Variants in DCBLD1 observed in about 807,000 individuals in gnomAD.
DCBLD1 encodes the protein discoidin, CUB and LCCL domain containing 1.
A neutral mutation model predicts 71.5 loss-of-function variants in DCBLD1; 57 were observed. The observed-to-expected ratio is 0.80, with a 90% CI of 0.64 to 0.99. DCBLD1 has a LOEUF of 0.99. Among genes scored for constraint, DCBLD1 ranks in the 50% least tolerant of loss-of-function variants. The pLI is 0.00. For missense variants in DCBLD1, 891 were observed against 923.5 expected, an observed-to-expected ratio of 0.96 and a Z score of 0.46; for synonymous variants, 380 against 363.8, an observed-to-expected ratio of 1.04 and a Z score of -0.51.
At chr6:117,513,714 A>G (rs1348250094) in intron 2 of DCBLD1, among the ~76,000 whole-genome samples, 1 of 152,150 alleles carries the variant, frequency 6.6e-6, no homozygotes, top group Non-Finnish European at 1.5e-5. Context: ...TGTGCATCCT[A>G]TTTTTAGGAA....
At chr6:117,532,887 G>A (rs1025607466) in intron 6 of DCBLD1, among the ~76,000 whole-genome samples, 4 of 152,088 alleles carry the variant, frequency 2.6e-5, no homozygotes, top group Non-Finnish European at 5.9e-5. Context: ...TATATTCTTC[G>A]TTTGTTTTTA....
intron 1 of DCBLD1, among the ~76,000 whole-genome samples, chr6:117,487,122 C>A (rs905099482): frequency 1.3e-5 from 2 of 152,108 alleles, no homozygotes; most frequent in African/African-American, 4.8e-5. Flanking sequence ...GTGACCACTG[C>A]TCTGGAGCAC....
In DCBLD1 at chr6:117,538,660, C is replaced by G; in HGVS notation, c.801C>G (p.Ile267Met). The G allele has an allele frequency of 6.2e-7, 1 of 1,613,972 alleles. No individual in the cohort carries two copies. Among genetic ancestry groups the G allele is most frequent in the East Asian group, 2.2e-5 (1 of 44,876 alleles). ...RSLSFEPDGQ[I>M]RASSSWQSVN... ...TGAGTTTTGAACCTGACGGGCAAAT[C>G]AGAGCTTCTTCCTCATGGCAGTCGG... The change falls in exon 8 of 15, where the codon ATC becomes ATG. Residue 267 changes from isoleucine (I) to methionine (M), a missense_variant. Ile to Met is a conservative substitution (Grantham distance 10). Coordinates refer to ENST00000338728, the MANE Select transcript of DCBLD1 (RefSeq NM_001366458.2).
At chr6:117,568,835 C>T (rs964285822) in intron 14 of DCBLD1, among the ~76,000 whole-genome samples, 1 of 152,168 alleles carries the variant, frequency 6.6e-6, no homozygotes, top group Non-Finnish European at 1.5e-5. Context: ...ATTTATGCAT[C>T]ATATAGAATT....
intron 14 of DCBLD1, among the ~76,000 whole-genome samples, chr6:117,558,996 CCTGTT>C (rs1291847999): frequency 2.0e-5 from 3 of 152,178 alleles, no homozygotes; most frequent in Admixed American, 6.5e-5. Context: ...CAGGTTCAGG[CCTGTT>C]CTGTTAACTC....
chr6:117,531,343 C>T (rs1302451272), intron 5 of DCBLD1, among the ~76,000 whole-genome samples: 7 of 152,206 alleles, frequency 4.6e-5, no homozygotes, highest in Non-Finnish European at 1.0e-4. Flanking sequence ...TCCCCTCACT[C>T]CTGGGTCTGA....
chr6:117,524,769 A>G (rs1778494171), intron 4 of DCBLD1, among the ~76,000 whole-genome samples: 1 of 152,206 alleles, frequency 6.6e-6, no homozygotes, highest in Non-Finnish European at 1.5e-5. Flanking sequence ...GCTGGATTAA[A>G]TAGAATATAT....
chr6:117,493,413 G>C (rs1001097023), intron 1 of DCBLD1, among the ~76,000 whole-genome samples: 1 of 152,072 alleles, frequency 6.6e-6, no homozygotes, highest in African/African-American at 2.4e-5. Flanking sequence ...AGTAAAATAG[G>C]CACCTCTCAT....
intron 5 of DCBLD1, among the ~76,000 whole-genome samples, chr6:117,531,468 C>A (rs888725633): frequency 6.6e-6 from 1 of 152,178 alleles, no homozygotes; most frequent in Non-Finnish European, 1.5e-5. Context: ...CGATTCCAAT[C>A]CCACAACCGC....
intron 6 of DCBLD1, among the ~76,000 whole-genome samples, chr6:117,534,361 C>T (rs185495010): frequency 3.9e-4 from 59 of 152,288 alleles, no homozygotes; most frequent in African/African-American, 1.4e-3. Context: ...AAAGTGATCA[C>T]TTATGCACAG....
downstream of DCBLD1, among the ~76,000 whole-genome samples, chr6:117,554,433 A>C (rs1249347300): frequency 2.6e-5 from 4 of 152,192 alleles, no homozygotes; most frequent in Non-Finnish European, 5.9e-5. Flanking sequence ...AAGTCTTTTC[A>C]GCATCTATGG....
chr6:117,503,348 T>C (rs1481428126), intron 1 of DCBLD1, among the ~76,000 whole-genome samples: 1 of 152,246 alleles, frequency 6.6e-6, no homozygotes, highest in Non-Finnish European at 1.5e-5. Flanking sequence ...TTTCTGTACA[T>C]TATCTCATTT....
rs1779347399 is a variant in DCBLD1, at chr6:117,548,300, C to T, written c.2009C>T (p.Ala670Val). 2 of 1,550,666 alleles carry T rather than the reference C, an allele frequency of 1.3e-6. No individual in the cohort carries two copies. Among genetic ancestry groups the T allele is most frequent in the Admixed American group, 2.0e-5 (1 of 51,010 alleles). ...PADRGYDRPK[A>V]VSALATESGH... ...GACAGGGGCTACGACCGGCCCAAAG[C>T]TGTCAGCGCCCTCGCCACCGAAAGC... Residue 670 changes from alanine (A) to valine (V), a missense_variant, in exon 15 of 15, where the codon GCT (alanine) becomes GTT (valine). By Grantham distance (64) the Ala-to-Val change is moderately conservative. Coordinates refer to ENST00000338728, the MANE Select transcript of DCBLD1 (RefSeq NM_001366458.2).
chr6:117,499,214 C>T (rs930682862), intron 1 of DCBLD1, among the ~76,000 whole-genome samples: 8 of 132,948 alleles, frequency 6.0e-5, no homozygotes, highest in African/African-American at 9.2e-5. Context: ...CCAGCCTGGG[C>T]GACATAGTGT....
At chr6:117,514,224 C>T (rs1051893664) in intron 2 of DCBLD1, among the ~76,000 whole-genome samples, 3 of 152,328 alleles carry the variant, frequency 2.0e-5, no homozygotes, top group African/African-American at 7.2e-5. Flanking sequence ...GGCAATACTA[C>T]AGCCAGTATT....
intron 1 of DCBLD1, among the ~76,000 whole-genome samples, chr6:117,486,058 T>G (rs1449707690): frequency 6.6e-6 from 1 of 152,248 alleles, no homozygotes; most frequent in Non-Finnish European, 1.5e-5. Context: ...GAACTCTGAA[T>G]AATGTCCCAA....
rs188870910 is a variant in DCBLD1, at chr6:117,499,172, C to T, written c.113-4595C>T. Reference sequence around the variant, plus strand: ...AATCCCAGCATTTGGGAGGCCAAGGCGGGAAGATCGCTTGAGCCTAGGAGT... The same window carrying T: ...AATCCCAGCATTTGGGAGGCCAAGGTGGGAAGATCGCTTGAGCCTAGGAGT... On this transcript the variant is annotated intron_variant, in intron 1 of 14. Coordinates refer to ENST00000338728, the MANE Select transcript of DCBLD1 (RefSeq NM_001366458.2). Among the ~76,000 whole-genome samples, 202 of 144,248 alleles carry T rather than the reference C, an allele frequency of 1.4e-3. 1 individual carries two copies. The highest frequency in any genetic ancestry group is 1.3e-3 in the Non-Finnish European group (90 of 67,204). 94.6% of individuals were successfully genotyped at this position (144,248 alleles called of 152,430 possible). A position where few individuals can be genotyped will look rare whatever the true frequency, so the allele number is the denominator to read the frequency against.
At chr6:117,540,596 G>C in intron 9 of DCBLD1, 72 bp from the exon 10 acceptor site, 1 of 1,571,524 alleles carries the variant, frequency 6.4e-7, no homozygotes, top group Middle Eastern at 1.7e-4. Flanking sequence ...ATATAACCAG[G>C]TATAAGTGGG....
chr6:117,546,075 T>A (rs1211018934), intron 14 of DCBLD1, among the ~76,000 whole-genome samples: 2 of 152,224 alleles, frequency 1.3e-5, no homozygotes, highest in Non-Finnish European at 2.9e-5. Context: ...TTTCTTTTTT[T>A]AAAATTTCTA....
Sources: allele counts gnomAD v4.1 joint callset (sites outside exome capture counted in the v4.1 genomes callset), GRCh38; gene constraint gnomAD v4.1.1; transcripts MANE v1.5; gene names NCBI Gene and HGNC (gene_info 2026-07-23, HGNC 2026-07-21).